Variants in ZBTB46 observed in about 807,000 individuals in gnomAD.
ZBTB46 encodes zinc finger and BTB domain-containing protein 46.
In ZBTB46, 8 loss-of-function variants were observed where a neutral mutation model predicts 44.1. The observed-to-expected ratio is 0.18, with a 90% confidence interval of 0.11 to 0.33. The LOEUF is 0.33. ZBTB46 is among the 10% of genes least tolerant of loss of function. The pLI is 1.00. For missense variants in ZBTB46, 651 were observed against 847.7 expected (o/e 0.77, Z 2.88); for synonymous variants, 409 against 382.3 (o/e 1.07, Z -0.81).
chr20:63,829,425 T>A (rs2092836412), intron 1 of ZBTB46, among the ~76,000 whole-genome samples: 2 of 152,380 alleles, frequency 1.3e-5, no homozygotes, highest in South Asian at 4.1e-4. Context: ...AAGGCGGAAT[T>A]TCGGATTTCT....
chr20:63,833,758 G>T (rs575391753), upstream of ZBTB46, among the ~76,000 whole-genome samples: 9 of 152,178 alleles, frequency 5.9e-5, no homozygotes, highest in African/African-American at 1.9e-4. Flanking sequence ...CCAACAGAAG[G>T]TCAAGCAGCC....
At chr20:63,822,731 G>A (rs780197771) in intron 1 of ZBTB46, among the ~76,000 whole-genome samples, 12 of 152,104 alleles carry the variant, frequency 7.9e-5, no homozygotes, top group South Asian at 4.1e-4. Context: ...TCCAGACCAC[G>A]GGCCAGGTGC....
At chr20:63,754,140 G>A (rs1317595874) in intron 3 of ZBTB46, among the ~76,000 whole-genome samples, 3 of 152,254 alleles carry the variant, frequency 2.0e-5, no homozygotes, top group Admixed American at 6.5e-5. Flanking sequence ...GCCCCGCCTG[G>A]CACGGCAGCA....
chr20:63,819,804 G>T (rs1026600692), intron 1 of ZBTB46, among the ~76,000 whole-genome samples: 1 of 152,146 alleles, frequency 6.6e-6, no homozygotes, highest in Non-Finnish European at 1.5e-5. Context: ...TGGGACGCTC[G>T]GAGCACTGAC....
At chr20:63,751,036 T>C (rs565146448) in intron 4 of ZBTB46, among the ~76,000 whole-genome samples, 2 of 152,334 alleles carry the variant, frequency 1.3e-5, no homozygotes, top group South Asian at 2.1e-4. Context: ...TTGCAATCCA[T>C]GTTGTTAAAA....
intron 1 of ZBTB46, among the ~76,000 whole-genome samples, chr20:63,813,238 CAG>C: frequency 1.3e-5 from 2 of 152,136 alleles, no homozygotes; most frequent in East Asian, 3.9e-4. Flanking sequence ...CATCTGAGGT[CAG>C]GAGTTCGAGA....
chr20:63,807,323 T>C (rs1015603880), intron 1 of ZBTB46, among the ~76,000 whole-genome samples: 13 of 152,152 alleles, frequency 8.5e-5, no homozygotes, highest in African/African-American at 3.1e-4. Flanking sequence ...TGATTCTTTA[T>C]TTGTTATAGG....
intron 1 of ZBTB46, chr20:63,815,182 C>CAGGTGGGCA: frequency 4.6e-6 from 1 of 216,344 alleles, no homozygotes; most frequent in Non-Finnish European, 9.5e-6. Context: ...TGCAGTGGGC[C>CAGGTGGGCA]CAGGTGCAGT....
chr20:63,827,797 T>TA (rs2092827946), intron 1 of ZBTB46, among the ~76,000 whole-genome samples: 7 of 152,276 alleles, frequency 4.6e-5, no homozygotes, highest in Admixed American at 4.6e-4. Flanking sequence ...GCACTGCTGA[T>TA]ACTCAACTAT....
intron 3 of ZBTB46, among the ~76,000 whole-genome samples, chr20:63,768,572 A>G (rs1304762831): frequency 6.6e-6 from 1 of 151,846 alleles, no homozygotes; most frequent in Non-Finnish European, 1.5e-5. Context: ...GCACCACTGC[A>G]CTCCAGCCTG....
At chr20:63,825,928 A>C (rs947977076) in intron 1 of ZBTB46, among the ~76,000 whole-genome samples, 4 of 152,240 alleles carry the variant, frequency 2.6e-5, no homozygotes, top group South Asian at 2.1e-4. Flanking sequence ...CACACTAAGA[A>C]GACGACTTGC....
intron 1 of ZBTB46, among the ~76,000 whole-genome samples, chr20:63,792,749 C>CATCT (rs1203830826): frequency 3.3e-5 from 5 of 152,198 alleles, no homozygotes; most frequent in Admixed American, 2.0e-4. Context: ...AACTCCTGAC[C>CATCT]TCAGATGATC....
intron 1 of ZBTB46, among the ~76,000 whole-genome samples, chr20:63,809,051 C>G (rs1459030589): frequency 6.6e-6 from 1 of 151,630 alleles, no homozygotes; most frequent in African/African-American, 2.4e-5. Flanking sequence ...GAGGTAAGAC[C>G]TGGGAGCTGG....
chr20:63,781,547 G>C (rs1369320136), intron 2 of ZBTB46, among the ~76,000 whole-genome samples: 2 of 152,202 alleles, frequency 1.3e-5, no homozygotes, highest in African/African-American at 2.4e-5. Flanking sequence ...TGCCAGCACT[G>C]TAGGAGGCCG....
chr20:63,801,556 GCTCTTTGCAATAAATCTTGCTGCTGCTCA>G (rs1030337797), intron 1 of ZBTB46, among the ~76,000 whole-genome samples: 1 of 152,122 alleles, frequency 6.6e-6, no homozygotes, highest in African/African-American at 2.4e-5. Context: ...TTGTTCTTTT[GCTCTTTGCAATAAATCTTGCTGCTGCTCA>G]CTCTTTGGGT....
intron 3 of ZBTB46, among the ~76,000 whole-genome samples, chr20:63,769,869 C>G (rs1243609129): frequency 2.0e-5 from 3 of 152,202 alleles, no homozygotes; most frequent in Non-Finnish European, 4.4e-5. Context: ...AAAACAAAGA[C>G]AAGCTGCAAC....
rs373390770 is a variant in ZBTB46, at chr20:63,772,722, A to C, written c.1222+2956T>G. Reference sequence around the variant, plus strand: ...CAAGAGAGCGAGACCCTGTCTCAAAAACACACACACACACACACACACACA... The same window carrying C: ...CAAGAGAGCGAGACCCTGTCTCAAACACACACACACACACACACACACACA... On this transcript the variant is annotated intron_variant, in intron 3 of 4. Transcript: ENST00000245663. 6.7e-3 allele frequency among the ~76,000 whole-genome samples: 136 copies of C among 20,254 alleles called. No homozygotes were observed. In the Middle Eastern group the frequency reaches 0.14, roughly 20 times the overall value. The allele number at this position is 20,254 out of a possible 152,430, so 13.3% of individuals were successfully genotyped here.
chr20:63,750,546 T>A lies in ZBTB46; in HGVS notation c.1398+2140A>T, dbSNP rs1338744182. On this transcript the variant is annotated intron_variant, in intron 4 of 4. Transcript: ENST00000245663. ...GTGCCACCACACTTGGCTTTCCATATGTTATAAGTACATTTTCCAGGGAAT... is the reference window on the plus strand; with the variant it reads ...GTGCCACCACACTTGGCTTTCCATAAGTTATAAGTACATTTTCCAGGGAAT... Among the ~76,000 whole-genome samples, 6 of 152,024 alleles carry A rather than the reference T, an allele frequency of 3.9e-5. 1 individual carries two copies. The highest frequency in any genetic ancestry group is 8.8e-5 in the Non-Finnish European group (6 of 68,014).
chr20:63,798,690 A>AAAAAAAT (rs2092621957), intron 1 of ZBTB46, among the ~76,000 whole-genome samples: 2 of 144,086 alleles, frequency 1.4e-5, no homozygotes, highest in Non-Finnish European at 3.0e-5. Context: ...AAAAAAAAAA[A>AAAAAAAT]AAATTAGCTG....
Sources: allele counts gnomAD v4.1 joint callset (sites outside exome capture counted in the v4.1 genomes callset), GRCh38; gene constraint gnomAD v4.1.1; transcripts MANE v1.5; gene names NCBI Gene and HGNC (gene_info 2026-07-23, HGNC 2026-07-21).